The following FER variants were observed in gnomAD, a reference collection of about 807,000 sequenced individuals.
The protein encoded by FER is FER tyrosine kinase, also known as tyrosine-protein kinase Fer.
FER carries 63 observed loss-of-function variants against 111.0 expected under a neutral mutation model. That is an observed-to-expected ratio of 0.57 (90% CI 0.46 to 0.70). FER has a LOEUF of 0.70. Among genes scored for constraint, FER ranks in the 30% least tolerant of loss-of-function variants. The pLI is 0.00. For synonymous variants in FER, 327 were observed against 313.9 expected (o/e 1.04, Z -0.44); for missense variants, 914 against 954.0 (o/e 0.96, Z 0.55).
At chr5:109,152,873 A>G (rs986489629) in intron 17 of FER, among the ~76,000 whole-genome samples, 4 of 151,974 alleles carry the variant, frequency 2.6e-5, no homozygotes, top group Non-Finnish European at 5.9e-5. Context: ...AGAAGCCGTT[A>G]AGAACAAGCC....
At chr5:109,073,030 CAT>C (rs1775944701) in intron 16 of FER, among the ~76,000 whole-genome samples, 1 of 152,050 alleles carries the variant, frequency 6.6e-6, no homozygotes, top group Non-Finnish European at 1.5e-5. Flanking sequence ...AGACACTAGT[CAT>C]TGGTTTAAGA....
At chr5:109,098,234 T>C (rs902460749) in intron 16 of FER, among the ~76,000 whole-genome samples, 10 of 151,924 alleles carry the variant, frequency 6.6e-5, no homozygotes, top group South Asian at 2.1e-4. Context: ...ATATATTATG[T>C]ACTATTAAAC....
intron 16 of FER, among the ~76,000 whole-genome samples, chr5:109,092,300 A>AT (rs1746894782): frequency 1.2e-4 from 18 of 146,266 alleles, no homozygotes; most frequent in Non-Finnish European, 2.2e-4. Flanking sequence ...AAAAAAAAAA[A>AT]AAAAAAAAAA....
chr5:109,155,025 G>T (rs964852711), intron 17 of FER, among the ~76,000 whole-genome samples: 12 of 151,820 alleles, frequency 7.9e-5, no homozygotes, highest in Admixed American at 7.2e-4. Context: ...ATCTCGATAT[G>T]TACCCTACAT....
At chr5:108,832,241 G>C (rs1760120429) in intron 3 of FER, among the ~76,000 whole-genome samples, 1 of 152,126 alleles carries the variant, frequency 6.6e-6, no homozygotes, top group South Asian at 2.1e-4. Flanking sequence ...GATTGAAAAG[G>C]AAATTTTAGA....
intron 2 of FER, among the ~76,000 whole-genome samples, chr5:108,792,713 T>C (rs1173250153): frequency 6.6e-6 from 1 of 152,044 alleles, no homozygotes; most frequent in African/African-American, 2.4e-5. Flanking sequence ...CTAAGTATTT[T>C]ATTCTTTTTT....
intron 9 of FER, among the ~76,000 whole-genome samples, chr5:108,896,275 A>G (rs1035818025): frequency 6.6e-6 from 1 of 152,142 alleles, no homozygotes; most frequent in Non-Finnish European, 1.5e-5. Context: ...TATGTTCACA[A>G]AAGTGATTCT....
At chr5:108,966,889 GAACA>G (rs1196626629) in intron 13 of FER, among the ~76,000 whole-genome samples, 2 of 151,854 alleles carry the variant, frequency 1.3e-5, no homozygotes, top group Admixed American at 1.3e-4. Context: ...AACAAACATA[GAACA>G]AACAAAGCCA....
intron 13 of FER, among the ~76,000 whole-genome samples, chr5:109,036,105 TC>T (rs1280052380): frequency 6.6e-6 from 1 of 152,176 alleles, no homozygotes; most frequent in Non-Finnish European, 1.5e-5. Context: ...TTGTAGTTTG[TC>T]TTTTCATTTT....
intron 17 of FER, among the ~76,000 whole-genome samples, chr5:109,126,194 A>G (rs760892875): frequency 6.6e-6 from 1 of 152,226 alleles, no homozygotes; most frequent in Non-Finnish European, 1.5e-5. Context: ...AGGGTGAGAT[A>G]GCTGCTTAGG....
chr5:109,098,685 A>G (rs1747839338), intron 16 of FER, among the ~76,000 whole-genome samples: 1 of 151,710 alleles, frequency 6.6e-6, no homozygotes, highest in Non-Finnish European at 1.5e-5. Context: ...ACTTTTCACT[A>G]TTGAAATCAG....
chr5:108,854,863 G>C (rs1230732075), intron 5 of FER, among the ~76,000 whole-genome samples: 15 of 145,254 alleles, frequency 1.0e-4, no homozygotes. Context: ...AGAATTGCCT[G>C]ACCCAGGAGG....
At chr5:108,755,743 C>T (rs2149914108) in intron 1 of FER, among the ~76,000 whole-genome samples, 1 of 151,654 alleles carries the variant, frequency 6.6e-6, no homozygotes, top group Non-Finnish European at 1.5e-5. Context: ...GCCTTGGCCT[C>T]CCAAAGTGCT....
intron 16 of FER, among the ~76,000 whole-genome samples, chr5:109,081,092 C>T (rs1402176817): frequency 6.6e-6 from 1 of 152,066 alleles, no homozygotes; most frequent in Non-Finnish European, 1.5e-5. Flanking sequence ...CTTTAGACAG[C>T]ATTCTAACCT....
intron 1 of FER, among the ~76,000 whole-genome samples, chr5:108,763,389 A>G (rs1488169642): frequency 6.6e-6 from 1 of 152,176 alleles, no homozygotes; most frequent in East Asian, 1.9e-4. Context: ...AAACAATGTG[A>G]TGAGGGCCAG....
chr5:108,795,112 G>A (rs1027794816), intron 2 of FER, among the ~76,000 whole-genome samples: 9 of 152,150 alleles, frequency 5.9e-5, no homozygotes, highest in Non-Finnish European at 7.4e-5. Flanking sequence ...TTGCTTGCAC[G>A]TAGGAGTTTG....
At chr5:109,034,534 T>TGC (rs1770096492) in intron 13 of FER, among the ~76,000 whole-genome samples, 2 of 152,054 alleles carry the variant, frequency 1.3e-5, no homozygotes, top group African/African-American at 4.8e-5. Flanking sequence ...AATGACCATG[T>TGC]GCATTCAAGG....
At chr5:108,967,212 A>G (rs1023038812) in intron 13 of FER, among the ~76,000 whole-genome samples, 4 of 152,206 alleles carry the variant, frequency 2.6e-5, no homozygotes, top group African/African-American at 4.8e-5. Flanking sequence ...CCTGCGTCCA[A>G]GAAGAATAAG....
intron 13 of FER, among the ~76,000 whole-genome samples, chr5:109,031,160 A>AATAG (rs1403729621): frequency 6.6e-6 from 1 of 151,956 alleles, no homozygotes; most frequent in Non-Finnish European, 1.5e-5. Flanking sequence ...CCAGGGGAGG[A>AATAG]ATAGGCCTAA....
Sources: gnomAD v4.1 joint callset for allele counts (sites outside exome capture counted in the v4.1 genomes callset) on GRCh38, gnomAD v4.1.1 for gene constraint, MANE v1.5 for transcripts, NCBI Gene and HGNC (gene_info 2026-07-23, HGNC 2026-07-21) for gene names.